Variants in ZNF335 observed in about 807,000 individuals in gnomAD.
ZNF335 encodes zinc finger protein 335.
In ZNF335, 84 loss-of-function variants were observed where a neutral mutation model predicts 145.6. The observed-to-expected ratio is 0.58, with a 90% CI of 0.48 to 0.69. ZNF335 has a LOEUF of 0.69. ZNF335 is among the 30% of genes least tolerant of loss of function. ZNF335 has a pLI of 0.00. For synonymous variants in ZNF335, 761 were observed against 717.0 expected (o/e 1.06, Z -0.98); for missense variants, 1,865 against 1,809.7 (o/e 1.03, Z -0.55).
At position 45,959,381 on chromosome 20, in the gene ZNF335, C is replaced by T. The variant is rs1277518427; in HGVS notation, c.2073G>A (p.Lys691=). 19 of 1,562,002 alleles carry T rather than the reference C, an allele frequency of 1.2e-5. No individual in the cohort carries two copies. Among genetic ancestry groups the T allele is most frequent in the South Asian group, 4.6e-5 (4 of 86,046 alleles). The change falls in exon 15 of 28, where the codon AAG becomes AAA. Residue 691 remains lysine (K), a synonymous_variant. Transcript: ENST00000322927. The part of the protein sequence containing the change: ...EYCHFSTRHK[K]NLRLHVRCRH... ...GGCACCGTACGTGCAGGCGCAGGTT[C>T]TTCTTGTGCCGTGTGCTGAAGTGGC...
intron 6 of ZNF335, 116 bp from the exon 7 acceptor site, chr20:45,965,890 G>A (rs549881014): frequency 1.7e-4 from 212 of 1,240,150 alleles, no homozygotes; most frequent in Admixed American, 2.2e-4. Context: ...AGCCCACAGC[G>A]ATGCCTCCTC....
rs2084062460 is a variant in ZNF335 at position 45,971,323 on chromosome 20, C to T, written c.88G>A (p.Gly30Ser). ...EEPSESGLGVGTSEAVSADSS... is the reference protein window; with the variant it reads ...EEPSESGLGVSTSEAVSADSS... ...TCGGCGGACACGGCTTCTGAGGTGC[C>T]CACACCCAGGCCGCTCTCAGAGGGC... The change falls in exon 2 of 28, where the codon GGC (glycine) becomes AGC (serine). Residue 30 changes from glycine (G) to serine (S), a missense_variant. Physicochemically the swap from Gly to Ser is moderately conservative, Grantham distance 56 (BLOSUM62 0). Transcript: ENST00000322927. 1.3e-6 allele frequency: 2 copies of T among 1,596,966 alleles called. No homozygotes were observed. The highest frequency in any genetic ancestry group is 1.7e-6 in the Non-Finnish European group (2 of 1,178,410).
rs764935041 is a variant in ZNF335 at position 45,965,732 on chromosome 20, C to A, written c.998G>T (p.Arg333Leu). 2 of 1,605,892 alleles carry A rather than the reference C, an allele frequency of 1.2e-6. No individual in the cohort carries two copies. Among genetic ancestry groups the A allele is most frequent in the Non-Finnish European group, 1.7e-6 (2 of 1,176,518 alleles). The change falls in exon 7 of 28, where the codon CGG becomes CTG. Residue 333 changes from arginine (R) to leucine (L), a missense_variant. Arg to Leu is a moderately radical substitution (Grantham distance 102). Coordinates refer to ENST00000322927, the MANE Select transcript of ZNF335 (RefSeq NM_022095.4). ...GGTGGGGCGCTGGAGCCGAAGCTGC[C>A]GGCCTCGGGGCTCATCCTCAGCTGG... ...YNPAEDEPRGRQLRLQRPTPS... is the reference protein window; with the variant it reads ...YNPAEDEPRGLQLRLQRPTPS...
intron 2 of ZNF335, chr20:45,969,914 A>G (rs1432959174): frequency 2.1e-6 from 1 of 473,470 alleles, no homozygotes; most frequent in African/African-American, 1.9e-5. Flanking sequence ...GGGAATACAC[A>G]AAAATAAGAG....
In ZNF335 at chr20:45,949,227, C is replaced by T; in HGVS notation, c.3844G>A (p.Gly1282Ser). 4 of 1,613,904 alleles carry T rather than the reference C, an allele frequency of 2.5e-6. No individual in the cohort carries two copies. Among genetic ancestry groups the T allele is most frequent in the Non-Finnish European group, 3.4e-6 (4 of 1,180,008 alleles). ...SQIQYVPVSP[G>S]QQLVTQAQLE... The stretch of plus-strand genomic sequence containing the variant: ...TGAGCCTGTGTGACAAGCTGCTGGC[C>T]TGGGGACACAGGCACATACTGGATC... The change falls in exon 27 of 28, where the codon GGC becomes AGC. Residue 1282 changes from glycine (G) to serine (S), a missense_variant. Coordinates refer to ENST00000322927, the MANE Select transcript of ZNF335 (RefSeq NM_022095.4).
intron 1 of ZNF335, 92 bp from the exon 2 acceptor site, chr20:45,971,552 T>G: frequency 6.8e-7 from 1 of 1,466,524 alleles, no homozygotes; most frequent in Non-Finnish European, 9.0e-7. Context: ...GCGCCCATTT[T>G]GCAGATGCGA....
At position 45,960,453 on chromosome 20, in the gene ZNF335, G is replaced by A. The variant is rs144619729; in HGVS notation, c.1855C>T (p.Arg619Cys). Residue 619 changes from arginine to cysteine, a missense_variant, in exon 13 of 28, where the codon CGC becomes TGC. By Grantham distance (180) the Arg-to-Cys change is radical. Coordinates refer to ENST00000322927, the MANE Select transcript of ZNF335 (RefSeq NM_022095.4). ...LLTHIQAVANRRFKCEFCEFV... is the reference protein window; with the variant it reads ...LLTHIQAVANCRFKCEFCEFV... ...GGGGCCTCCAAGGGGATGTACCTGC[G>A]GTTGGCAACAGCCTGGATGTGCGTG... The A allele has an allele frequency of 7.8e-5, 126 of 1,614,166 alleles. No homozygotes were observed. The highest frequency in any genetic ancestry group is 1.2e-4 in the Admixed American group (7 of 60,026).
chr20:45,972,145 C>T lies in ZNF335; in HGVS notation c.-74G>A, dbSNP rs1485744573. 2.3e-6 allele frequency: 3 copies of T among 1,289,496 alleles called. No homozygotes were observed. In the Admixed American group the frequency reaches 6.9e-5, roughly 30 times the overall value. 79.9% of individuals were successfully genotyped at this position (1,289,496 alleles called of 1,614,324 possible). A position where few individuals can be genotyped will look rare whatever the true frequency, so the allele number is the denominator to read the frequency against. The stretch of plus-strand genomic sequence containing the variant: ...ACCCGAGGCTTTCGTAGCCACGTTC[C>T]TCTCTGACTCCGGCATCGACGAGGT... On this transcript the variant is annotated 5_prime_UTR_variant, in exon 1 of 28. Transcript: ENST00000322927.
Position 45,960,384 on chromosome 20 carries a change from G to C in ZNF335, c.1860-16C>G, listed in dbSNP as rs1447160596. The C allele has an allele frequency of 6.2e-7, 1 of 1,614,234 alleles. No homozygotes were observed. Among genetic ancestry groups the C allele is most frequent in the Admixed American group, 1.7e-5 (1 of 60,036 alleles). ...ACACTTGAACCTGGAGGCGGTTAGA[G>C]GGAGGGAAGCTCAGTAATGAGCTGG... On this transcript the variant is annotated splice_polypyrimidine_tract_variant and intron_variant, in intron 13 of 27. Coordinates refer to ENST00000322927, the MANE Select transcript of ZNF335 (RefSeq NM_022095.4).
Position 45,953,878 on chromosome 20 carries a change from C to A in ZNF335, c.2513G>T (p.Gly838Val), listed in dbSNP as rs151030305. 1.1e-5 allele frequency: 17 copies of A among 1,613,654 alleles called. No individual in the cohort carries two copies. The African/African-American group carries it at 2.1e-4, about 20-fold the overall frequency. ...ASPGGQPSPE[G>V]ATPQVVTLHV... ...GAGGGTGACCACCTGTGGAGTGGCA[C>A]CTTCAGGGGAGGGCTGCCCACCAGG... Residue 838 changes from glycine (G) to valine (V), a missense_variant, in exon 18 of 28, where the codon GGT (glycine) becomes GTT (valine). Transcript: ENST00000322927.
At chr20:45,954,014 TCCC>T (rs2083682159) in intron 17 of ZNF335, 66 bp from the exon 18 acceptor site, 2 of 1,499,442 alleles carry the variant, frequency 1.3e-6, no homozygotes. Context: ...GCAAGACGCC[TCCC>T]CCATCTCAGT....
chr20:45,960,838 T>C, intron 11 of ZNF335, 26 bp downstream of exon 11: 1 of 1,613,952 alleles, frequency 6.2e-7, no homozygotes. Context: ...GCAGGTTCCC[T>C]TCCCAGGCCA....
chr20:45,963,825 G>T lies in ZNF335; in HGVS notation c.1268C>A (p.Ala423Glu), dbSNP rs1277890632. The T allele has an allele frequency of 6.2e-7, 1 of 1,613,992 alleles. No individual in the cohort carries two copies. The highest frequency in any genetic ancestry group is 1.1e-5 in the South Asian group (1 of 91,062). Reference sequence around the variant, plus strand: ...ATGCTCATCCGGGCAGGAGGGGGCTGCGTTCTCTGCATCTGACTGGCTCAC... The same window carrying T: ...ATGCTCATCCGGGCAGGAGGGGGCTTCGTTCTCTGCATCTGACTGGCTCAC... ...AGVSQSDAEN[A>E]APSCPDEHDT... Residue 423 changes from alanine (A) to glutamate (E), a missense_variant, in exon 8 of 28, where the codon GCA becomes GAA. Physicochemically the swap from Ala to Glu is moderately radical, Grantham distance 107. Transcript: ENST00000322927.
chr20:45,949,194 C>T lies in ZNF335; in HGVS notation c.3877G>A (p.Ala1293Thr), dbSNP rs1470779647. The T allele has an allele frequency of 1.2e-6, 2 of 1,613,710 alleles. No homozygotes were observed. ...QQLVTQAQLE[A>T]AAHSAVTAVA... ...CCTGTGACAGCTGAGTGTGCTGCAG[C>T]CTCAAGTTGAGCCTGTGTGACAAGC... is the stretch of plus-strand genomic sequence containing the variant. The change falls in exon 27 of 28, where the codon GCT becomes ACT. Residue 1293 changes from alanine (A) to threonine (T), a missense_variant. By Grantham distance (58) the Ala-to-Thr change is moderately conservative. Coordinates refer to ENST00000322927, the MANE Select transcript of ZNF335 (RefSeq NM_022095.4).
chr20:45,950,481 G>A lies in ZNF335; in HGVS notation c.3304C>T (p.Pro1102Ser). ...RHMLTHTKEK[P>S]FACHLCGQRF... ...TGCCCGCAGAGGTGGCATGCAAAAG[G>A]CTTCTCCTTTGTGTGAGTCAGCATG... The change falls in exon 21 of 28, where the codon CCT (proline) becomes TCT (serine). Residue 1102 changes from proline to serine, a missense_variant. Pro to Ser is a moderately conservative substitution (Grantham distance 74, BLOSUM62 -1). Transcript: ENST00000322927. The A allele has an allele frequency of 6.2e-7, 1 of 1,614,230 alleles. No homozygotes were observed. Among genetic ancestry groups the A allele is most frequent in the Non-Finnish European group, 8.5e-7 (1 of 1,180,046 alleles).
rs765440235 is a variant in ZNF335 at position 45,949,012 on chromosome 20, T to C, written c.3970A>G (p.Ile1324Val). Residue 1324 changes from isoleucine to valine, a missense_variant, in exon 28 of 28, where the codon ATT becomes GTT. Ile to Val is a conservative substitution (Grantham distance 29, BLOSUM62 3). Transcript: ENST00000322927. ...ATGCCCTGGTGCTGCAGCTGTTGAA[T>C]GTGTTCGGGCACTGTCTCGTCTGTA... is the stretch of plus-strand genomic sequence containing the variant. The part of the protein sequence containing the change: ...FGTDETVPEH[I>V]QQLQHQGIEY... 1.9e-6 allele frequency: 3 copies of C among 1,613,888 alleles called. No individual in the cohort carries two copies. Among genetic ancestry groups the C allele is most frequent in the African/African-American group, 1.3e-5 (1 of 75,042 alleles).
chr20:45,964,149 G>A (rs2083906505), intron 7 of ZNF335, 159 bp from the exon 8 acceptor site: 6 of 887,210 alleles, frequency 6.8e-6, no homozygotes, highest in African/African-American at 1.7e-5. Context: ...TGGTTAGAGG[G>A]CAGCATGGAT....
chr20:45,957,549 G>A, intron 17 of ZNF335, 37 bp downstream of exon 17: 1 of 1,597,528 alleles, frequency 6.3e-7, no homozygotes, highest in Non-Finnish European at 8.6e-7. Flanking sequence ...GGTACCTGCG[G>A]TAGCTGGGAA....
chr20:45,951,336 A>G (rs1452517929), intron 20 of ZNF335, among the ~76,000 whole-genome samples: 2 of 152,234 alleles, frequency 1.3e-5, no homozygotes, highest in African/African-American at 4.8e-5. Context: ...TCAGGCAAAC[A>G]GGGAGGCCCC....
Sources: allele counts gnomAD v4.1 joint callset (sites outside exome capture counted in the v4.1 genomes callset), GRCh38; gene constraint gnomAD v4.1.1; transcripts MANE v1.5; gene names NCBI Gene and HGNC (gene_info 2026-07-23, HGNC 2026-07-21).